Variants in NTN1 observed in about 807,000 individuals in gnomAD.
NTN1 encodes the protein netrin-1.
NTN1 carries 11 observed loss-of-function variants against 54.2 expected under a neutral mutation model. The ratio of observed to expected loss-of-function variants is 0.20; its 90% CI spans 0.13 to 0.34. The LOEUF is 0.34. NTN1 is among the 10% of genes least tolerant of loss of function. NTN1 has a pLI of 1.00. For synonymous variants in NTN1, 371 were observed against 382.0 expected (o/e 0.97, Z 0.33); for missense variants, 740 against 893.1 (o/e 0.83, Z 2.18).
intron 2 of NTN1, among the ~76,000 whole-genome samples, chr17:9,149,830 G>A (rs769423011): frequency 6.6e-6 from 1 of 152,202 alleles, no homozygotes; most frequent in Non-Finnish European, 1.5e-5. Flanking sequence ...CACTTTGGGA[G>A]GCTGAGGAGG....
intron 2 of NTN1, among the ~76,000 whole-genome samples, chr17:9,072,009 G>A (rs970999655): frequency 2.0e-5 from 3 of 152,228 alleles, no homozygotes; most frequent in African/African-American, 4.8e-5. Context: ...AGATGCCTTT[G>A]TGGGATCTGA....
intron 2 of NTN1, among the ~76,000 whole-genome samples, chr17:9,036,110 C>T (rs1240750286): frequency 6.6e-6 from 1 of 152,218 alleles, no homozygotes; most frequent in Non-Finnish European, 1.5e-5. Flanking sequence ...ATCCTTCCTT[C>T]TCAGACTCCC....
chr17:9,174,270 G>A (rs1368062520), intron 3 of NTN1: 1 of 152,492 alleles, frequency 6.6e-6, no homozygotes, highest in Non-Finnish European at 1.5e-5. Flanking sequence ...TCCAGCAAAG[G>A]TGGTGACTTC....
chr17:9,152,371 G>A (rs2092330314), intron 2 of NTN1, among the ~76,000 whole-genome samples: 1 of 152,134 alleles, frequency 6.6e-6, no homozygotes, highest in Non-Finnish European at 1.5e-5. Flanking sequence ...TCCCCGGAGA[G>A]GATCCTGCAC....
chr17:9,046,669 T>C (rs114688309), intron 2 of NTN1, among the ~76,000 whole-genome samples: 1,529 of 151,950 alleles, frequency 0.01, 27 homozygotes, highest in African/African-American at 0.033. Flanking sequence ...TGCTTGTAGT[T>C]TCAGCTACTA....
At chr17:9,095,971 T>A (rs1173236374) in intron 2 of NTN1, among the ~76,000 whole-genome samples, 1 of 151,872 alleles carries the variant, frequency 6.6e-6, no homozygotes, top group Non-Finnish European at 1.5e-5. Flanking sequence ...GATTTTTGTA[T>A]TTTTTAGTAG....
chr17:9,189,581 A>T (rs775830992), intron 5 of NTN1, among the ~76,000 whole-genome samples: 38 of 151,926 alleles, frequency 2.5e-4, no homozygotes, highest in Non-Finnish European at 4.7e-4. Context: ...CGAACTCCTG[A>T]CCTCATGATC....
chr17:9,050,044 A>G (rs1285928409), intron 2 of NTN1, among the ~76,000 whole-genome samples: 1 of 151,554 alleles, frequency 6.6e-6, no homozygotes, highest in East Asian at 2.0e-4. Flanking sequence ...CAGGAGATTG[A>G]GACCATCCTG....
intron 2 of NTN1, among the ~76,000 whole-genome samples, chr17:9,120,300 A>AT (rs1163253935): frequency 3.3e-5 from 5 of 151,652 alleles, no homozygotes; most frequent in Admixed American, 6.6e-5. Flanking sequence ...AAAAAAAAAA[A>AT]AAGTGCCTGG....
chr17:9,076,072 A>T (rs1049407341), intron 2 of NTN1, among the ~76,000 whole-genome samples: 1 of 152,206 alleles, frequency 6.6e-6, no homozygotes. Context: ...GTGATTCCCC[A>T]TGGTCCCTCA....
chr17:9,206,630 C>G (rs149420192), intron 5 of NTN1, among the ~76,000 whole-genome samples: 3 of 152,194 alleles, frequency 2.0e-5, no homozygotes, highest in Non-Finnish European at 2.9e-5. Context: ...GGCCAGGCAG[C>G]CTGGGAGGGG....
chr17:9,096,970 A>G (rs992605639), intron 2 of NTN1, among the ~76,000 whole-genome samples: 1 of 152,188 alleles, frequency 6.6e-6, no homozygotes, highest in African/African-American at 2.4e-5. Context: ...AGTGGAGCTT[A>G]CTTATCTGTT....
rs768189573 is a variant in NTN1 at position 9,022,933 on chromosome 17, G to A, written c.560G>A (p.Arg187Gln). ...YSTQCRKMYN[R>Q]PHRAPITKQN... ...ACGCAGTGCCGCAAGATGTACAACC[G>A]GCCGCACCGCGCGCCCATCACCAAG... Residue 187 changes from arginine to glutamine, a missense_variant, in exon 2 of 7, where the codon CGG becomes CAG. Arg to Gln is a conservative substitution (Grantham distance 43). Transcript: ENST00000173229. The A allele has an allele frequency of 5.0e-6, 8 of 1,611,848 alleles. No individual in the cohort carries two copies. Among genetic ancestry groups the A allele is most frequent in the Non-Finnish European group, 5.9e-6 (7 of 1,179,788 alleles).
chr17:9,051,498 T>G (rs1045776515), intron 2 of NTN1, among the ~76,000 whole-genome samples: 1 of 152,214 alleles, frequency 6.6e-6, no homozygotes, highest in African/African-American at 2.4e-5. Flanking sequence ...TTGCAGTATG[T>G]GGGTGTATGT....
At position 9,240,609 on chromosome 17, in the gene NTN1, TG is replaced by T. The variant is rs1443485834; in HGVS notation, c.*642del. 6.6e-6 allele frequency: 1 copy of T among 152,538 alleles called. No homozygotes were observed. The highest frequency in any genetic ancestry group is 2.4e-5 in the African/African-American group (1 of 41,448). 9.4% of individuals were successfully genotyped at this position (152,538 alleles called of 1,614,324 possible). A position where few individuals can be genotyped will look rare whatever the true frequency, so the allele number is the denominator to read the frequency against. ...GTGGACAGCTCCTGTCCAGCCAGCA[TG>T]CCCCAGGCGGCCTCTGTCTCCACTG... On this transcript the variant is annotated 3_prime_UTR_variant, in exon 7 of 7. Coordinates refer to ENST00000173229, the MANE Select transcript of NTN1 (RefSeq NM_004822.3).
In NTN1 at chr17:9,214,365, G is replaced by A. The variant is rs115593602; in HGVS notation, c.1412-6803G>A. Among the ~76,000 whole-genome samples the A allele has an allele frequency of 9.2e-3, 1,395 of 152,138 alleles. 24 individuals are homozygous for A. The highest frequency in any genetic ancestry group is 0.032 in the African/African-American group (1,322 of 41,526). On this transcript the variant is annotated intron_variant, in intron 5 of 6. Transcript: ENST00000173229. Reference sequence around the variant, plus strand: ...ATATTTCAATGAGATGTTATTCTACGTCAAAAAATCCTTGTTTAATTACTA... The same window carrying A: ...ATATTTCAATGAGATGTTATTCTACATCAAAAAATCCTTGTTTAATTACTA...
At chr17:9,124,347 G>A (rs1176673029) in intron 2 of NTN1, among the ~76,000 whole-genome samples, 2 of 152,188 alleles carry the variant, frequency 1.3e-5, no homozygotes, top group African/African-American at 2.4e-5. Context: ...CATGACAGTC[G>A]GTTGGACAGA....
chr17:9,076,668 G>T (rs745700663), intron 2 of NTN1, among the ~76,000 whole-genome samples: 1 of 152,156 alleles, frequency 6.6e-6, no homozygotes, highest in East Asian at 1.9e-4. Context: ...GAGCCATTGC[G>T]CCCGGCCTAG....
intron 5 of NTN1, among the ~76,000 whole-genome samples, chr17:9,207,480 A>G (rs1270412681): frequency 6.6e-6 from 1 of 152,196 alleles, no homozygotes; most frequent in Non-Finnish European, 1.5e-5. Flanking sequence ...AAAGATTGTT[A>G]CAAACGCTCA....
Sources: gnomAD v4.1 joint callset for allele counts (sites outside exome capture counted in the v4.1 genomes callset) on GRCh38, gnomAD v4.1.1 for gene constraint, MANE v1.5 for transcripts, NCBI Gene and HGNC (gene_info 2026-07-23, HGNC 2026-07-21) for gene names.